Variants in SGCZ observed in about 807,000 individuals in gnomAD.
SGCZ encodes the protein sarcoglycan zeta.
A neutral mutation model predicts 41.3 loss-of-function variants in SGCZ; 40 were observed. The ratio of observed to expected loss-of-function variants is 0.97; its 90% confidence interval spans 0.75 to 1.26. The LOEUF is 1.26. SGCZ is among the 50% of genes most tolerant of loss of function. The probability of loss-of-function intolerance (pLI) is 0.00; values close to 1 mark genes in which losing one functional copy is unlikely to be tolerated. For missense variants in SGCZ, 552 were observed against 369.8 expected, an observed-to-expected ratio of 1.49 and a Z score of -4.04; for synonymous variants, 206 against 137.5, an observed-to-expected ratio of 1.50 and a Z score of -3.49.
intron 1 of SGCZ, among the ~76,000 whole-genome samples, chr8:14,592,871 AG>A (rs1226331702): frequency 6.6e-6 from 1 of 152,186 alleles, no homozygotes; most frequent in African/African-American, 2.4e-5. Context: ...ATTACAGTAC[AG>A]GGCAAAAAGC....
intron 1 of SGCZ, among the ~76,000 whole-genome samples, chr8:14,968,117 G>C (rs1011481325): frequency 6.6e-6 from 1 of 152,084 alleles, no homozygotes; most frequent in African/African-American, 2.4e-5. Context: ...CATCAGATTG[G>C]TTAAAATGAT....
chr8:14,998,739 C>T (rs1802306618), intron 1 of SGCZ, among the ~76,000 whole-genome samples: 1 of 152,176 alleles, frequency 6.6e-6, no homozygotes, highest in Non-Finnish European at 1.5e-5. Context: ...TTGCATAAAA[C>T]AGGGATCTAG....
intron 2 of SGCZ, among the ~76,000 whole-genome samples, chr8:14,386,500 C>A (rs1804584078): frequency 6.6e-6 from 1 of 152,080 alleles, no homozygotes; most frequent in Admixed American, 6.6e-5. Flanking sequence ...TATACTTGCT[C>A]CAGCAGTTCA....
At chr8:14,506,502 T>TTA (rs1802309519) in intron 2 of SGCZ, among the ~76,000 whole-genome samples, 2 of 149,424 alleles carry the variant, frequency 1.3e-5, no homozygotes, top group Admixed American at 1.3e-4. Flanking sequence ...CTTATTCATT[T>TTA]AAAAAAAAAA....
chr8:14,149,079 A>G (rs1300615881), intron 5 of SGCZ, among the ~76,000 whole-genome samples: 3 of 152,134 alleles, frequency 2.0e-5, no homozygotes, highest in Non-Finnish European at 4.4e-5. Context: ...AGCTAGTATC[A>G]TAGTGAGTGG....
intron 1 of SGCZ, among the ~76,000 whole-genome samples, chr8:14,906,067 T>C (rs1212004549): frequency 6.6e-6 from 1 of 152,148 alleles, no homozygotes; most frequent in East Asian, 1.9e-4. Flanking sequence ...ATGCTGATAT[T>C]GTGCCATTCA....
At chr8:15,068,782 T>A (rs958472293) in intron 1 of SGCZ, among the ~76,000 whole-genome samples, 1 of 152,184 alleles carries the variant, frequency 6.6e-6, no homozygotes, top group African/African-American at 2.4e-5. Context: ...ATAAATTCTC[T>A]CATTTAAAAA....
chr8:14,818,415 C>T (rs1015452629), intron 1 of SGCZ, among the ~76,000 whole-genome samples: 9 of 152,112 alleles, frequency 5.9e-5, no homozygotes, highest in Non-Finnish European at 1.3e-4. Context: ...CAGAGGCTAG[C>T]CAGAACCAAA....
At chr8:14,529,401 C>T (rs1001440323) in intron 2 of SGCZ, among the ~76,000 whole-genome samples, 2 of 152,146 alleles carry the variant, frequency 1.3e-5, no homozygotes, top group Admixed American at 6.6e-5. Flanking sequence ...GGCTGGCATG[C>T]GTGATCAGCA....
intron 4 of SGCZ, among the ~76,000 whole-genome samples, chr8:14,182,194 A>T (rs1176310626): frequency 6.6e-6 from 1 of 152,182 alleles, no homozygotes; most frequent in Non-Finnish European, 1.5e-5. Flanking sequence ...TCTAGAGAAC[A>T]GTATGGATTG....
chr8:14,449,776 G>C (rs948431620), intron 2 of SGCZ, among the ~76,000 whole-genome samples: 7 of 152,072 alleles, frequency 4.6e-5, no homozygotes, highest in Admixed American at 3.9e-4. Context: ...CTTAAACTGA[G>C]AACACCTCTA....
chr8:15,003,202 C>G (rs1460260849), intron 1 of SGCZ, among the ~76,000 whole-genome samples: 1 of 151,974 alleles, frequency 6.6e-6, no homozygotes, highest in Non-Finnish European at 1.5e-5. Context: ...ATAAAATTTA[C>G]TGAAGGAAAA....
intron 1 of SGCZ, among the ~76,000 whole-genome samples, chr8:14,937,586 C>T (rs960900530): frequency 6.6e-6 from 1 of 151,996 alleles, no homozygotes; most frequent in African/African-American, 2.4e-5. Flanking sequence ...CAAACTAACT[C>T]ATGAACATAT....
At chr8:14,639,522 A>T (rs1002275784) in intron 1 of SGCZ, among the ~76,000 whole-genome samples, 2 of 151,766 alleles carry the variant, frequency 1.3e-5, no homozygotes, top group Admixed American at 1.3e-4. Flanking sequence ...AGATTTCAAA[A>T]TATAACACAG....
intron 1 of SGCZ, among the ~76,000 whole-genome samples, chr8:15,077,346 A>T (rs1277874496): frequency 6.6e-6 from 1 of 152,234 alleles, no homozygotes; most frequent in Non-Finnish European, 1.5e-5. Flanking sequence ...ATGTATTTAC[A>T]GCTGTTATTG....
chr8:14,995,219 A>G (rs181731476), intron 1 of SGCZ, among the ~76,000 whole-genome samples: 19 of 152,248 alleles, frequency 1.2e-4, no homozygotes, highest in Non-Finnish European at 2.8e-4. Context: ...CTGCTTTGGA[A>G]AGCTCACGCT....
At chr8:14,410,559 G>T (rs537295376) in intron 2 of SGCZ, among the ~76,000 whole-genome samples, 1 of 151,070 alleles carries the variant, frequency 6.6e-6, no homozygotes, top group South Asian at 2.1e-4. Context: ...AAAAACAGAA[G>T]TTCTACACAT....
intron 1 of SGCZ, among the ~76,000 whole-genome samples, chr8:15,136,269 G>T (rs916560878): frequency 6.6e-6 from 1 of 152,020 alleles, no homozygotes; most frequent in African/African-American, 2.4e-5. Context: ...TGCCTCAACT[G>T]GCCCCTTGTA....
At chr8:14,212,762 G>A (rs113952347) in intron 4 of SGCZ, among the ~76,000 whole-genome samples, 87 of 152,214 alleles carry the variant, frequency 5.7e-4, no homozygotes, top group African/African-American at 2.0e-3. Context: ...ATGTAGGAAT[G>A]AAGGACAAGA....
Sources: allele counts gnomAD v4.1 joint callset (sites outside exome capture counted in the v4.1 genomes callset), GRCh38; gene constraint gnomAD v4.1.1; transcripts MANE v1.5; gene names NCBI Gene and HGNC (gene_info 2026-07-23, HGNC 2026-07-21).